Variants in ZNF780B observed in about 807,000 individuals in gnomAD.
ZNF780B encodes zinc finger protein 780B, also known as zinc finger protein 779.
A neutral mutation model predicts 74.1 loss-of-function variants in ZNF780B; 52 were observed. That is an observed-to-expected ratio of 0.70 (90% CI 0.56 to 0.88). The LOEUF (loss-of-function observed/expected upper bound fraction) is 0.88. Ranked by LOEUF, ZNF780B falls within the 40% of genes least tolerant of loss-of-function variation. ZNF780B has a pLI of 0.00. For missense variants in ZNF780B, 953 were observed against 1,007.6 expected, an observed-to-expected ratio of 0.95 and a Z score of 0.73; for synonymous variants, 315 against 324.3, an observed-to-expected ratio of 0.97 and a Z score of 0.31.
At position 40,035,587 on chromosome 19, in the gene ZNF780B, T is replaced by G. The variant is rs759912624; in HGVS notation, c.1272A>C (p.Lys424Asn). The change falls in exon 5 of 5, where the codon AAA becomes AAC. Residue 424 changes from lysine (K) to asparagine (N), a missense_variant. Physicochemically the swap from Lys to Asn is moderately conservative, Grantham distance 94. Transcript: ENST00000434248. The stretch of plus-strand genomic sequence containing the variant: ...TAAGATTTGCACCACGATTAAAGCC[T>G]TTCCCACACTCCTTACATTCATATG... ...VKPYECKECG[K>N]GFNRGANLIQ... is the part of the protein sequence containing the mutation. 2.5e-6 allele frequency: 4 copies of G among 1,611,760 alleles called. No homozygotes were observed. The highest frequency in any genetic ancestry group is 1.7e-5 in the Admixed American group (1 of 59,836).
In ZNF780B at chr19:40,035,664, T is replaced by C. The variant is rs769810845; in HGVS notation, c.1195A>G (p.Asn399Asp). ...TGTTGAATAAGGTTTGAACTACGAT[T>C]AAAGGACTTCCCACATTCTTTACAT... ...FECKECGKSF[N>D]RSSNLIQHQS... The change falls in exon 5 of 5, where the codon AAT becomes GAT. Residue 399 changes from asparagine (N) to aspartate (D), a missense_variant. Coordinates refer to ENST00000434248, the MANE Select transcript of ZNF780B (RefSeq NM_001005851.3). The C allele has an allele frequency of 1.2e-6, 2 of 1,614,026 alleles. No individual in the cohort carries two copies. The highest frequency in any genetic ancestry group is 1.7e-6 in the Non-Finnish European group (2 of 1,179,990).
At chr19:40,047,288 C>T in intron 4 of ZNF780B, 87 bp downstream of exon 4, 1 of 1,206,486 alleles carries the variant, frequency 8.3e-7, no homozygotes, top group Non-Finnish European at 1.2e-6. Context: ...TTTTCCAAAC[C>T]ACATCTCAGG....
rs1972226301 is a variant in ZNF780B, at chr19:40,035,446, T to A, written c.1413A>T (p.Lys471Asn). ...IQHCQIHTGGKPFECKECGKA... is the reference protein window; with the variant it reads ...IQHCQIHTGGNPFECKECGKA... ...TTCCACATTCTTTACATTCAAAGGGTTTCCCACCAGTATGAATTTGGCAAT... is the reference window on the plus strand; with the variant it reads ...TTCCACATTCTTTACATTCAAAGGGATTCCCACCAGTATGAATTTGGCAAT... The change falls in exon 5 of 5, where the codon AAA (lysine) becomes AAT (asparagine). Residue 471 changes from lysine (K) to asparagine (N), a missense_variant. Transcript: ENST00000434248. 1 of 1,614,154 alleles carries A rather than the reference T, an allele frequency of 6.2e-7. No individual in the cohort carries two copies. The highest frequency in any genetic ancestry group is 1.3e-5 in the African/African-American group (1 of 75,032).
At chr19:40,042,310 C>T (rs1433062573) in intron 4 of ZNF780B, among the ~76,000 whole-genome samples, 1 of 152,152 alleles carries the variant, frequency 6.6e-6, no homozygotes, top group Non-Finnish European at 1.5e-5. Flanking sequence ...GGTAACCCGA[C>T]CTTACTCTCT....
At chr19:40,045,333 A>G (rs1972884972) in intron 4 of ZNF780B, among the ~76,000 whole-genome samples, 1 of 152,180 alleles carries the variant, frequency 6.6e-6, no homozygotes, top group African/African-American at 2.4e-5. Context: ...CATACCTGAG[A>G]GGATGAGGGA....
intron 4 of ZNF780B, among the ~76,000 whole-genome samples, chr19:40,041,117 G>A (rs1158198262): frequency 6.6e-6 from 1 of 152,080 alleles, no homozygotes; most frequent in Non-Finnish European, 1.5e-5. Context: ...CTTTGTTCTT[G>A]TTGGTTTCAA....
rs762190622 is a variant in ZNF780B at position 40,034,944 on chromosome 19, T to C, written c.1915A>G (p.Lys639Glu). 1 of 1,614,152 alleles carries C rather than the reference T, an allele frequency of 6.2e-7. No homozygotes were observed. The highest frequency in any genetic ancestry group is 8.5e-7 in the Non-Finnish European group (1 of 1,180,026). The stretch of plus-strand genomic sequence containing the variant: ...CCACATTCTTTACATTTAAATGGCT[T>C]CTCACCTGTGTGAATGTTCTTATGG... ...NHHKNIHTGE[K>E]PFKCKECGKS... is the part of the protein sequence containing the mutation. Residue 639 changes from lysine to glutamate, a missense_variant, in exon 5 of 5, where the codon AAG becomes GAG. Physicochemically the swap from Lys to Glu is moderately conservative, Grantham distance 56. Coordinates refer to ENST00000434248, the MANE Select transcript of ZNF780B (RefSeq NM_001005851.3).
At chr19:40,040,944 T>G (rs569470870) in intron 4 of ZNF780B, among the ~76,000 whole-genome samples, 1 of 152,222 alleles carries the variant, frequency 6.6e-6, no homozygotes, top group Non-Finnish European at 1.5e-5. Context: ...ATTTCTTGCC[T>G]TCTGCTAGCT....
rs1972157088 is a variant in ZNF780B, at chr19:40,034,739, C to A, written c.2120G>T (p.Arg707Ile). 1.2e-6 allele frequency: 2 copies of A among 1,613,930 alleles called. No homozygotes were observed. Among genetic ancestry groups the A allele is most frequent in the Non-Finnish European group, 1.7e-6 (2 of 1,179,940 alleles). The change falls in exon 5 of 5, where the codon AGA becomes ATA. Residue 707 changes from arginine to isoleucine, a missense_variant. Physicochemically the swap from Arg to Ile is moderately conservative, Grantham distance 97 (BLOSUM62 -3). Transcript: ENST00000434248. ...FVCKECRKTF[R>I]YHYQLTEHYR... ...ATGTTCAGTAAGCTGGTAATGATAT[C>A]TAAAGGTCTTCCTACACTCCTTACA... is the stretch of plus-strand genomic sequence containing the variant.
At chr19:40,043,573 C>T (rs1040782169) in intron 4 of ZNF780B, among the ~76,000 whole-genome samples, 43 of 152,382 alleles carry the variant, frequency 2.8e-4, no homozygotes, top group African/African-American at 7.5e-4. Flanking sequence ...TTGAGCTCCC[C>T]GGCTGCTTTG....
chr19:40,048,600 G>T lies in ZNF780B; in HGVS notation c.136+70C>A, dbSNP rs929945312. On this transcript the variant is annotated intron_variant, in intron 3 of 4. Coordinates refer to ENST00000434248, the MANE Select transcript of ZNF780B (RefSeq NM_001005851.3). ...CAACTACCTCTTAAAAGACAGCCCT[G>T]AAACTCATGATGAAGAAAGCTGATA... 3 of 1,610,992 alleles carry T rather than the reference G, an allele frequency of 1.9e-6. No homozygotes were observed. The African/African-American group carries it at 4.0e-5, about 22-fold the overall frequency.
rs923013015 is a variant in ZNF780B at position 40,028,732 on chromosome 19, T to G, written c.*5625A>C. The G allele has an allele frequency of 2.0e-5, 3 of 152,166 alleles. No individual in the cohort carries two copies. The highest frequency in any genetic ancestry group is 7.2e-5 in the African/African-American group (3 of 41,442). 9.4% of individuals were successfully genotyped at this position (152,166 alleles called of 1,614,324 possible). ...CTGTGGCCTTGCTCTAAACCAATCATGAATTTTACCATTCTGGCATCAGAA... is the reference window on the plus strand; with the variant it reads ...CTGTGGCCTTGCTCTAAACCAATCAGGAATTTTACCATTCTGGCATCAGAA... On this transcript the variant is annotated 3_prime_UTR_variant, in exon 5 of 5. Coordinates refer to ENST00000434248, the MANE Select transcript of ZNF780B (RefSeq NM_001005851.3).
At chr19:40,052,319 C>T (rs1163239229) in intron 1 of ZNF780B, among the ~76,000 whole-genome samples, 1 of 152,112 alleles carries the variant, frequency 6.6e-6, no homozygotes, top group African/African-American at 2.4e-5. Flanking sequence ...CATGGTGTGA[C>T]AACCAAAAGT....
chr19:40,050,246 G>T, intron 2 of ZNF780B, 78 bp downstream of exon 2: 2 of 1,181,400 alleles, frequency 1.7e-6, no homozygotes, highest in Non-Finnish European at 2.4e-6. Flanking sequence ...ACGTAAGAAG[G>T]TTCAGGTTTA....
At position 40,034,279 on chromosome 19, in the gene ZNF780B, G is replaced by T; in HGVS notation, c.*78C>A. The T allele has an allele frequency of 3.2e-6, 4 of 1,248,350 alleles. No homozygotes were observed. Among genetic ancestry groups the T allele is most frequent in the East Asian group, 2.4e-5 (1 of 42,304 alleles). The allele number at this position is 1,248,350 out of a possible 1,614,324, so 77.3% of individuals were successfully genotyped here. A position where few individuals can be genotyped will look rare whatever the true frequency, so the allele number is the denominator to read the frequency against. On this transcript the variant is annotated 3_prime_UTR_variant, in exon 5 of 5. Coordinates refer to ENST00000434248, the MANE Select transcript of ZNF780B (RefSeq NM_001005851.3). The stretch of plus-strand genomic sequence containing the variant: ...CCTTGACATTCATAAGGGTTCTCAC[G>T]AATATGAAATCTATAATGTCCATGA...
Position 40,036,244 on chromosome 19 carries a change from G to A in ZNF780B, c.615C>T (p.His205=), listed in dbSNP as rs770621711. Reference sequence around the variant, plus strand: ...ATTTCTGATGTCGAGTAAGTTGTATGTGAAGTTGAAAGGCTTTCCCACATT... The same window carrying A: ...ATTTCTGATGTCGAGTAAGTTGTATATGAAGTTGAAAGGCTTTCCCACATT... The part of the protein sequence containing the change: ...CKECGKAFQL[H]IQLTRHQKFH... The change falls in exon 5 of 5, where the codon CAC becomes CAT. Residue 205 remains histidine, a synonymous_variant. Transcript: ENST00000434248. The A allele has an allele frequency of 8.1e-6, 13 of 1,611,982 alleles. No homozygotes were observed. The East Asian group carries it at 2.0e-4, about 25-fold the overall frequency.
rs773967472 is a variant in ZNF780B at position 40,036,358 on chromosome 19, AC to A, written c.500del (p.Cys167LeufsTer108). 1.2e-6 allele frequency: 2 copies of A among 1,613,758 alleles called. No individual in the cohort carries two copies. The highest frequency in any genetic ancestry group is 2.2e-5 in the South Asian group (2 of 90,936). On this transcript the variant is annotated frameshift_variant, in exon 5 of 5. Transcript: ENST00000434248. LOFTEE classifies it high-confidence loss of function. ...PIHNTHKPYE[C>X]KECGKYFSCG... is the part of the protein sequence containing the mutation. ...AACTAAAGTATTTCCCACATTCCTT[AC>A]ATTCATATGGTTTATGTGTATTATG...
At chr19:40,037,859 A>G (rs1157528910) in intron 4 of ZNF780B, among the ~76,000 whole-genome samples, 1 of 150,288 alleles carries the variant, frequency 6.7e-6, no homozygotes, top group Non-Finnish European at 1.5e-5. Flanking sequence ...TGCTCTTTGT[A>G]ACAAACATCC....
At chr19:40,049,004 G>T in intron 2 of ZNF780B, 1 of 661,882 alleles carries the variant, frequency 1.5e-6, no homozygotes, top group Non-Finnish European at 2.4e-6. Flanking sequence ...TGGAAGGACT[G>T]CTTGAGCCCA....
Sources: allele counts gnomAD v4.1 joint callset (sites outside exome capture counted in the v4.1 genomes callset), GRCh38; gene constraint gnomAD v4.1.1; transcripts MANE v1.5; gene names NCBI Gene and HGNC (gene_info 2026-07-23, HGNC 2026-07-21).